CPLANE1: variants seen among roughly 807,000 people sequenced by gnomAD.
The protein encoded by CPLANE1 is ciliogenesis and planar polarity effector complex subunit 1.
Under a neutral mutation model 362.5 loss-of-function variants are expected in CPLANE1, and 263 were observed. The ratio of observed to expected loss-of-function variants is 0.73; its 90% CI spans 0.66 to 0.80. CPLANE1 has a LOEUF of 0.80. Among genes scored for constraint, CPLANE1 ranks in the 30% least tolerant of loss-of-function variants. The pLI, the probability that CPLANE1 is intolerant of heterozygous loss-of-function variation, is 0.00. For synonymous variants in CPLANE1, 1,212 were observed against 1,302.6 expected (o/e 0.93, Z 1.50); for missense variants, 3,461 against 3,793.4 (o/e 0.91, Z 2.30).
intron 43 of CPLANE1, among the ~76,000 whole-genome samples, chr5:37,144,324 C>T (rs998184375): frequency 1.6e-4 from 23 of 147,294 alleles, no homozygotes; most frequent in African/African-American, 5.0e-4. Context: ...CAGAGAATTG[C>T]TTGAACCCTG....
chr5:37,198,999 A>G, intron 19 of CPLANE1, 133 bp from the exon 20 acceptor site: 1 of 757,808 alleles, frequency 1.3e-6, no homozygotes, highest in Non-Finnish European at 2.1e-6. Flanking sequence ...TGGAAGGCTG[A>G]AGCAGGAGGA....
intron 46 of CPLANE1, among the ~76,000 whole-genome samples, chr5:37,129,177 G>A (rs1765080687): frequency 6.6e-6 from 1 of 152,150 alleles, no homozygotes; most frequent in Non-Finnish European, 1.5e-5. Context: ...TTCAACAAAT[G>A]GTGCTGGGAT....
At position 37,226,404 on chromosome 5, in the gene CPLANE1, G is replaced by C; in HGVS notation, c.2191C>G (p.Gln731Glu). 6.5e-7 allele frequency: 1 copy of C among 1,549,990 alleles called. No homozygotes were observed. Among genetic ancestry groups the C allele is most frequent in the Non-Finnish European group, 8.7e-7 (1 of 1,146,458 alleles). The change falls in exon 12 of 53, where the codon CAG (glutamine) becomes GAG (glutamate). Residue 731 changes from glutamine to glutamate, a missense_variant. Coordinates refer to ENST00000651892, the MANE Select transcript of CPLANE1 (RefSeq NM_001384732.1). Reference sequence around the variant, plus strand: ...TGAAAACCACTATCTTGAAACATCTGAAAAATAGGTACCACCAATGAGTCT... The same window carrying C: ...TGAAAACCACTATCTTGAAACATCTCAAAAATAGGTACCACCAATGAGTCT... ...AQDSLVVPIF[Q>E]MFQDSGFQKN...
At position 37,209,380 on chromosome 5, in the gene CPLANE1, A is replaced by T. The variant is rs1791936075; in HGVS notation, c.2921-2955T>A. 1 of 1,136,350 alleles carries T rather than the reference A, an allele frequency of 8.8e-7. No homozygotes were observed. Among genetic ancestry groups the T allele is most frequent in the African/African-American group, 1.5e-5 (1 of 65,852 alleles). The allele number at this position is 1,136,350 out of a possible 1,614,324, so 70.4% of individuals were successfully genotyped here. The stretch of plus-strand genomic sequence containing the variant: ...TGACGGCTGATGATGGCTCAGTCCA[A>T]CATGCTCCCCGTGGCTGATGTGTTG... On this transcript the variant is annotated intron_variant, in intron 16 of 52. Coordinates refer to ENST00000651892, the MANE Select transcript of CPLANE1 (RefSeq NM_001384732.1). The surrounding 1 kb of genome is among the most constrained non-coding windows in gnomAD (Gnocchi z 4.6).
intron 15 of CPLANE1, among the ~76,000 whole-genome samples, chr5:37,219,070 A>G (rs1351742071): frequency 6.6e-6 from 1 of 152,098 alleles, no homozygotes; most frequent in African/African-American, 2.4e-5. Flanking sequence ...TGTCATTTAA[A>G]AAGTCATATA....
rs1285169763 is a variant in CPLANE1 at position 37,169,518 on chromosome 5, T to C, written c.6506A>G (p.Gln2169Arg). Residue 2169 changes from glutamine to arginine, a missense_variant, in exon 34 of 53, where the codon CAG (glutamine) becomes CGG (arginine). Gln to Arg is a conservative substitution (Grantham distance 43, BLOSUM62 1). This residue lies in a region of CPLANE1 where 3,380 missense variants were observed against 3,666.1 expected (regional missense o/e 0.92). Transcript: ENST00000651892. ...GSIPLCQLNG[Q>R]PRKKGPIPSS... ...TGGAATTGGTCCTTTTTTCCGGGGC[T>C]GGCCATTTAATTGACATAAAGGAAT... 1 of 1,613,548 alleles carries C rather than the reference T, an allele frequency of 6.2e-7. No homozygotes were observed. The highest frequency in any genetic ancestry group is 2.2e-5 in the East Asian group (1 of 44,888).
chr5:37,104,135 TTTCTC>T (rs1332631009), downstream of CPLANE1, among the ~76,000 whole-genome samples: 2 of 152,236 alleles, frequency 1.3e-5, no homozygotes, highest in Non-Finnish European at 2.9e-5. Flanking sequence ...CTGAGATTCT[TTTCTC>T]CACTTGGCCT....
chr5:37,223,078 G>C (rs775064062), intron 14 of CPLANE1, among the ~76,000 whole-genome samples: 1 of 152,102 alleles, frequency 6.6e-6, no homozygotes, highest in Non-Finnish European at 1.5e-5. Flanking sequence ...TTGTCCATCT[G>C]CCTCTCAACT....
chr5:37,193,072 C>T (rs886662932), intron 21 of CPLANE1, among the ~76,000 whole-genome samples: 3 of 150,292 alleles, frequency 2.0e-5, no homozygotes, highest in South Asian at 2.2e-4. Context: ...GAGGCTGAGG[C>T]GGAGAATTGC....
chr5:37,214,797 G>A (rs994288952), intron 15 of CPLANE1, among the ~76,000 whole-genome samples: 1 of 151,998 alleles, frequency 6.6e-6, no homozygotes, highest in Non-Finnish European at 1.5e-5. Flanking sequence ...CACGTTTAGT[G>A]CAGTACCATA....
intron 47 of CPLANE1, among the ~76,000 whole-genome samples, chr5:37,124,490 AT>A (rs1010070487): frequency 6.6e-6 from 1 of 151,996 alleles, no homozygotes; most frequent in African/African-American, 2.4e-5. Context: ...CTGGACAATA[AT>A]TTTTTTTGTA....
At chr5:37,215,933 G>A (rs1307572731) in intron 15 of CPLANE1, among the ~76,000 whole-genome samples, 3 of 151,688 alleles carry the variant, frequency 2.0e-5, no homozygotes, top group Non-Finnish European at 4.4e-5. Flanking sequence ...CAAGGTTTAG[G>A]CCATCTTCCC....
downstream of CPLANE1, among the ~76,000 whole-genome samples, chr5:37,101,560 G>A (rs113649400): frequency 2.8e-4 from 43 of 152,242 alleles, no homozygotes; most frequent in Admixed American, 5.9e-4. Flanking sequence ...TTGGCCTGAA[G>A]TTTTCTTTTT....
chr5:37,148,347 T>A, intron 42 of CPLANE1, 79 bp from the exon 43 acceptor site: 1 of 1,027,738 alleles, frequency 9.7e-7, no homozygotes, highest in Non-Finnish European at 1.4e-6. Context: ...ATGTAAGTTT[T>A]AAACACTTGC....
At chr5:37,100,909 C>T in the CPLANE1 span, among the ~76,000 whole-genome samples, 2 of 152,210 alleles carry the variant, frequency 1.3e-5, no homozygotes, top group East Asian at 3.9e-4. Context: ...TGGTTGTCTG[C>T]TTGTCTGTCG....
At chr5:37,176,417 C>A (rs776563474) in intron 30 of CPLANE1, among the ~76,000 whole-genome samples, 1 of 152,044 alleles carries the variant, frequency 6.6e-6, no homozygotes, top group Non-Finnish European at 1.5e-5. Context: ...AGGCAGATCA[C>A]CTGAGCTCAG....
intron 36 of CPLANE1, 108 bp from the exon 37 acceptor site, chr5:37,164,435 C>A: frequency 1.4e-6 from 1 of 736,862 alleles, no homozygotes; most frequent in Non-Finnish European, 2.3e-6. Flanking sequence ...ATAACTTCAA[C>A]TTCCATCATT....
chr5:37,176,861 C>T (rs1037985691), intron 30 of CPLANE1, among the ~76,000 whole-genome samples: 1 of 151,656 alleles, frequency 6.6e-6, no homozygotes, highest in Non-Finnish European at 1.5e-5. Flanking sequence ...CCGGGTCATG[C>T]CATTCTCCTG....
Position 37,247,756 on chromosome 5 carries a change from T to C in CPLANE1, c.-47-11A>G, listed in dbSNP as rs566681880. The C allele has an allele frequency of 3.4e-6, 5 of 1,463,046 alleles. No individual in the cohort carries two copies. The highest frequency in any genetic ancestry group is 2.5e-5 in the East Asian group (1 of 39,898). The allele number at this position is 1,463,046 out of a possible 1,614,324, so 90.6% of individuals were successfully genotyped here. A position where few individuals can be genotyped will look rare whatever the true frequency, so the allele number is the denominator to read the frequency against. On this transcript the variant is annotated splice_polypyrimidine_tract_variant and intron_variant, in intron 1 of 52. Coordinates refer to ENST00000651892, the MANE Select transcript of CPLANE1 (RefSeq NM_001384732.1). ...AACAGTCCCAAGATTCTGTAAACAA[T>C]AATAGTAATAAAATATAAATGATGC...
Sources: gnomAD v4.1 joint callset for allele counts (sites outside exome capture counted in the v4.1 genomes callset) on GRCh38, gnomAD v4.1.1 for gene constraint, gnomAD v4.1.1 regional missense constraint, Gnocchi (gnomAD v3.1) non-coding constraint, MANE v1.5 for transcripts, NCBI Gene and HGNC (gene_info 2026-07-23, HGNC 2026-07-21) for gene names.